The following LUZP2 variants were observed in gnomAD, a reference collection of about 807,000 sequenced individuals.
The protein encoded by LUZP2 is leucine zipper protein 2.
LUZP2 carries 52 observed loss-of-function variants against 51.6 expected under a neutral mutation model. The ratio of observed to expected loss-of-function variants is 1.01; its 90% CI spans 0.81 to 1.27. LUZP2 has a LOEUF of 1.27. Among genes scored for constraint, LUZP2 ranks in the 50% most tolerant of loss-of-function variants. LUZP2 has a pLI of 0.00. For missense variants in LUZP2, 436 were observed against 395.4 expected, an observed-to-expected ratio of 1.10 and a Z score of -0.87; for synonymous variants, 154 against 137.3, an observed-to-expected ratio of 1.12 and a Z score of -0.85.
intron 1 of LUZP2, among the ~76,000 whole-genome samples, chr11:24,541,953 T>C (rs2133719540): frequency 6.6e-6 from 1 of 152,204 alleles, no homozygotes; most frequent in Non-Finnish European, 1.5e-5. Context: ...TAGGAAGTTC[T>C]GTTATTTATA....
At chr11:24,803,925 CA>C (rs1849771871) in intron 5 of LUZP2, among the ~76,000 whole-genome samples, 1 of 136,348 alleles carries the variant, frequency 7.3e-6, no homozygotes, top group Non-Finnish European at 1.5e-5. Context: ...AGATATTGAT[CA>C]AACTGGAAAC....
At chr11:24,752,222 C>T (rs1003094221) in intron 4 of LUZP2, among the ~76,000 whole-genome samples, 11 of 152,002 alleles carry the variant, frequency 7.2e-5, no homozygotes, top group Non-Finnish European at 1.6e-4. Context: ...GATACAATTA[C>T]AAAATTTTCC....
At chr11:24,919,468 G>A (rs1232649624) in intron 7 of LUZP2, among the ~76,000 whole-genome samples, 2 of 126,152 alleles carry the variant, frequency 1.6e-5, no homozygotes, top group Non-Finnish European at 3.2e-5. Context: ...GATAATATAT[G>A]TTATATATTA....
intron 9 of LUZP2, among the ~76,000 whole-genome samples, chr11:24,996,331 T>G (rs889133142): frequency 1.3e-5 from 2 of 151,338 alleles, no homozygotes; most frequent in African/African-American, 4.8e-5. Flanking sequence ...TCTCTCCAAT[T>G]AACTACTTGT....
intron 5 of LUZP2, among the ~76,000 whole-genome samples, chr11:24,821,535 A>G (rs61875884): frequency 6.6e-6 from 1 of 151,934 alleles, no homozygotes; most frequent in South Asian, 2.1e-4. Flanking sequence ...TCTCTAACCC[A>G]TCTTGACCCT....
chr11:24,540,066 A>G (rs1475696095), intron 1 of LUZP2, among the ~76,000 whole-genome samples: 1 of 152,098 alleles, frequency 6.6e-6, no homozygotes, highest in Non-Finnish European at 1.5e-5. Context: ...GAAACCTACC[A>G]TAAATCTGAA....
chr11:24,962,783 C>T lies in LUZP2; in HGVS notation c.523-13808C>T, dbSNP rs566416187. On this transcript the variant is annotated intron_variant, in intron 7 of 11. Coordinates refer to ENST00000336930, the MANE Select transcript of LUZP2 (RefSeq NM_001009909.4). Reference sequence around the variant, plus strand: ...AACTCGTCAAAGTCATTCTCCGTCCCGCTTTGTTCCATTGCTGGTGAGGAA... The same window carrying T: ...AACTCGTCAAAGTCATTCTCCGTCCTGCTTTGTTCCATTGCTGGTGAGGAA... 7.9e-4 allele frequency among the ~76,000 whole-genome samples: 120 copies of T among 152,312 alleles called. 1 individual carries two copies. The highest frequency in any genetic ancestry group is 2.0e-3 in the African/African-American group (82 of 41,562).
chr11:24,932,477 AGCT>A (rs1431085299), intron 7 of LUZP2, among the ~76,000 whole-genome samples: 1 of 152,100 alleles, frequency 6.6e-6, no homozygotes, highest in Non-Finnish European at 1.5e-5. Context: ...TTCTTGCGGC[AGCT>A]GCTATGAGGG....
At chr11:24,560,637 C>T (rs974371424) in intron 1 of LUZP2, among the ~76,000 whole-genome samples, 12 of 152,054 alleles carry the variant, frequency 7.9e-5, no homozygotes, top group African/African-American at 2.9e-4. Flanking sequence ...TCTTTTAAAT[C>T]GTTTGGTATA....
intron 9 of LUZP2, among the ~76,000 whole-genome samples, chr11:25,048,993 A>G (rs1191095998): frequency 2.0e-5 from 3 of 152,016 alleles, no homozygotes; most frequent in African/African-American, 4.8e-5. Context: ...TATCAGCTTT[A>G]TTAACTATTC....
At chr11:24,497,935 T>G (rs932913409) in intron 1 of LUZP2, among the ~76,000 whole-genome samples, 1 of 152,220 alleles carries the variant, frequency 6.6e-6, no homozygotes, top group African/African-American at 2.4e-5. Flanking sequence ...AGAGTGCTGA[T>G]GCAGAGACCC....
intron 1 of LUZP2, among the ~76,000 whole-genome samples, chr11:24,633,958 G>GTATATATATA (rs534303582): frequency 0.077 from 10,301 of 134,648 alleles, 414 homozygotes; most frequent in African/African-American, 0.11. Flanking sequence ...GTGTGTGTGT[G>GTATATATATA]TGTGTGTATA....
intron 9 of LUZP2, among the ~76,000 whole-genome samples, chr11:24,985,502 A>G (rs2133918360): frequency 6.6e-6 from 1 of 151,928 alleles, no homozygotes; most frequent in South Asian, 2.1e-4. Flanking sequence ...AGTAGAAACA[A>G]ATAAACCATG....
In LUZP2 at chr11:24,885,385, G is replaced by T. The variant is rs1852637288; in HGVS notation, c.397-20606G>T. Among the ~76,000 whole-genome samples, 4 of 152,098 alleles carry T rather than the reference G, an allele frequency of 2.6e-5. No individual in the cohort carries two copies. The South Asian group carries it at 8.3e-4, about 32-fold the overall frequency. On this transcript the variant is annotated intron_variant, in intron 5 of 11. Transcript: ENST00000336930. The stretch of plus-strand genomic sequence containing the variant: ...TTATTTAATACAACCACCCGTTGAA[G>T]TTGGTCATGATATTTTCCTCATTTT...
chr11:24,681,507 A>C (rs979291820), intron 1 of LUZP2, among the ~76,000 whole-genome samples: 1 of 152,094 alleles, frequency 6.6e-6, no homozygotes, highest in Non-Finnish European at 1.5e-5. Context: ...TTCTTTCCTC[A>C]TGCATAGGAG....
At chr11:25,038,474 C>T (rs944482463) in intron 9 of LUZP2, among the ~76,000 whole-genome samples, 2 of 152,158 alleles carry the variant, frequency 1.3e-5, no homozygotes, top group Non-Finnish European at 2.9e-5. Flanking sequence ...CAAAATTGCA[C>T]AATTTTCTTT....
rs565376596 is a variant in LUZP2 at position 24,508,342 on chromosome 11, G to A, written c.62+11037G>A. 4.6e-5 allele frequency among the ~76,000 whole-genome samples: 7 copies of A among 152,234 alleles called. No homozygotes were observed. The East Asian group carries it at 1.2e-3, about 25-fold the overall frequency. ...ATAAGTAGCCAAAATTTTATATACA[G>A]TTAAAGAAGGAAGGCAAAATGTTAC... On this transcript the variant is annotated intron_variant, in intron 1 of 11. Transcript: ENST00000336930.
intron 1 of LUZP2, among the ~76,000 whole-genome samples, chr11:24,671,136 G>A (rs555938278): frequency 6.6e-6 from 1 of 151,596 alleles, no homozygotes; most frequent in Non-Finnish European, 1.5e-5. Flanking sequence ...TATTAATTTA[G>A]GTTTGATAGA....
intron 1 of LUZP2, among the ~76,000 whole-genome samples, chr11:24,523,515 C>T (rs1198642084): frequency 1.3e-5 from 2 of 149,386 alleles, no homozygotes; most frequent in African/African-American, 2.5e-5. Flanking sequence ...AAGAATACTT[C>T]GTTGATTTTC....
Sources: gnomAD v4.1 joint callset for allele counts (sites outside exome capture counted in the v4.1 genomes callset) on GRCh38, gnomAD v4.1.1 for gene constraint, MANE v1.5 for transcripts, NCBI Gene and HGNC (gene_info 2026-07-23, HGNC 2026-07-21) for gene names.